Variants in FLT1 observed in about 807,000 individuals in gnomAD.
FLT1 encodes the protein vascular endothelial growth factor receptor 1.
A neutral mutation model predicts 156.3 loss-of-function variants in FLT1; 49 were observed. The ratio of observed to expected loss-of-function variants is 0.31; its 90% CI spans 0.25 to 0.40. FLT1 has a LOEUF of 0.40. FLT1 is among the 10% of genes least tolerant of loss of function. The pLI is 1.00. For missense variants in FLT1, 1,322 were observed against 1,637.2 expected, an observed-to-expected ratio of 0.81 and a Z score of 3.32; for synonymous variants, 594 against 583.8, an observed-to-expected ratio of 1.02 and a Z score of -0.25.
chr13:28,334,879 C>T (rs1013709081), intron 17 of FLT1, among the ~76,000 whole-genome samples: 5 of 150,842 alleles, frequency 3.3e-5, no homozygotes, highest in Non-Finnish European at 5.9e-5. Context: ...TCCTTGCCCC[C>T]CTTTACTCTG....
intron 1 of FLT1, among the ~76,000 whole-genome samples, chr13:28,489,083 C>G (rs1022062679): frequency 6.6e-6 from 1 of 152,168 alleles, no homozygotes; most frequent in Non-Finnish European, 1.5e-5. Context: ...GCATCATGCC[C>G]ACACAGGAGG....
At chr13:28,332,154 A>G (rs1392780245) in intron 18 of FLT1, among the ~76,000 whole-genome samples, 1 of 152,102 alleles carries the variant, frequency 6.6e-6, no homozygotes, top group Non-Finnish European at 1.5e-5. Flanking sequence ...CTTGAGCCTG[A>G]GAGGCAGAGG....
chr13:28,493,281 A>G (rs933041578), intron 1 of FLT1, among the ~76,000 whole-genome samples: 1 of 152,258 alleles, frequency 6.6e-6, no homozygotes, highest in African/African-American at 2.4e-5. Flanking sequence ...GACTTTTCAA[A>G]ACAAAAAATG....
intron 28 of FLT1, chr13:28,308,481 C>A (rs550411052): frequency 1.5e-5 from 5 of 336,258 alleles, no homozygotes; most frequent in Non-Finnish European, 2.3e-5. Context: ...TGCAGGAACG[C>A]GCTCTCTGTT....
intron 13 of FLT1, chr13:28,388,454 GTT>G (rs61707719): frequency 5.2e-5 from 49 of 938,092 alleles, no homozygotes; most frequent in Middle Eastern, 4.9e-4. Flanking sequence ...GGTCATTATA[GTT>G]TTTTTTTTTA....
At chr13:28,325,013 T>C (rs1315495811) in intron 20 of FLT1, among the ~76,000 whole-genome samples, 9 of 152,246 alleles carry the variant, frequency 5.9e-5, no homozygotes, top group Admixed American at 5.9e-4. Flanking sequence ...AAATGAAGTA[T>C]TCCATTTTCA....
intron 1 of FLT1, among the ~76,000 whole-genome samples, chr13:28,478,860 A>G (rs1880691110): frequency 6.6e-6 from 1 of 152,234 alleles, no homozygotes; most frequent in South Asian, 2.1e-4. Flanking sequence ...ATAGCAATAC[A>G]AAGCCTTATC....
chr13:28,353,229 T>C (rs543342227), intron 15 of FLT1, among the ~76,000 whole-genome samples: 1 of 152,326 alleles, frequency 6.6e-6, no homozygotes, highest in South Asian at 2.1e-4. Context: ...TCTTCTCCTA[T>C]GTACTTATAA....
At chr13:28,458,119 T>A (rs1304474847) in intron 3 of FLT1, among the ~76,000 whole-genome samples, 1 of 152,032 alleles carries the variant, frequency 6.6e-6, no homozygotes, top group African/African-American at 2.4e-5. Flanking sequence ...GTACTTTTAG[T>A]AGAGACGGGG....
intron 3 of FLT1, among the ~76,000 whole-genome samples, chr13:28,441,886 A>G (rs1345988355): frequency 6.6e-6 from 1 of 152,176 alleles, no homozygotes; most frequent in Non-Finnish European, 1.5e-5. Context: ...ATCATGCATT[A>G]TTTTATAGTA....
intron 16 of FLT1, among the ~76,000 whole-genome samples, chr13:28,344,792 CTTTTTTTTTTTTTTTT>C (rs869199622): frequency 7.2e-5 from 3 of 41,438 alleles, no homozygotes; most frequent in East Asian, 1.2e-3. Context: ...GGGGCCTTTA[CTTTTTTTTTTTTTTTT>C]TTTTTTTTTT....
Position 28,323,602 on chromosome 13 carries a change from G to A in FLT1, c.2797-656C>T, listed in dbSNP as rs191674718. 9.0e-4 allele frequency among the ~76,000 whole-genome samples: 129 copies of A among 143,688 alleles called. No homozygotes were observed. The Middle Eastern group carries it at 0.012, about 13-fold the overall frequency. 94.3% of individuals were successfully genotyped at this position (143,688 alleles called of 152,430 possible). ...GGAGGTGGAGGTTGCAGTGAGCCGA[G>A]ATCACGCCATTGCACTCTAGCCTGG... On this transcript the variant is annotated intron_variant, in intron 20 of 29. Transcript: ENST00000282397.
intron 10 of FLT1, among the ~76,000 whole-genome samples, chr13:28,417,635 T>G (rs1467173650): frequency 6.6e-6 from 1 of 150,922 alleles, no homozygotes; most frequent in Non-Finnish European, 1.5e-5. Flanking sequence ...AAACAATCTC[T>G]TTTTAAAAAT....
chr13:28,390,759 C>G (rs1258888287), intron 12 of FLT1, among the ~76,000 whole-genome samples: 1 of 152,140 alleles, frequency 6.6e-6, no homozygotes. Flanking sequence ...GGCAAGTGGG[C>G]AAAATAGTGA....
intron 14 of FLT1, among the ~76,000 whole-genome samples, chr13:28,378,058 T>G (rs1873916697): frequency 6.6e-6 from 1 of 151,762 alleles, no homozygotes; most frequent in Non-Finnish European, 1.5e-5. Flanking sequence ...ATCTTTTTTT[T>G]TTTTTTTTTG....
At position 28,494,864 on chromosome 13, in the gene FLT1, C is replaced by A; in HGVS notation, c.-21G>T. 6.5e-7 allele frequency: 1 copy of A among 1,528,964 alleles called. No homozygotes were observed. Among genetic ancestry groups the A allele is most frequent in the Non-Finnish European group, 8.7e-7 (1 of 1,143,474 alleles). The allele number at this position is 1,528,964 out of a possible 1,614,324, so 94.7% of individuals were successfully genotyped here. A position where few individuals can be genotyped will look rare whatever the true frequency, so the allele number is the denominator to read the frequency against. Reference sequence around the variant, plus strand: ...ACCATGGTGAGCGCGACGCGGCCTGCTCGCCCGGTGCCCGCGCTCCCCGCG... The same window carrying A: ...ACCATGGTGAGCGCGACGCGGCCTGATCGCCCGGTGCCCGCGCTCCCCGCG... On this transcript the variant is annotated 5_prime_UTR_variant, in exon 1 of 30. Coordinates refer to ENST00000282397, the MANE Select transcript of FLT1 (RefSeq NM_002019.4).
chr13:28,351,642 G>A (rs1019476429), intron 15 of FLT1, among the ~76,000 whole-genome samples: 2 of 152,186 alleles, frequency 1.3e-5, no homozygotes, highest in Non-Finnish European at 2.9e-5. Context: ...TGGAAATGCT[G>A]TATTCCCATT....
Position 28,368,673 on chromosome 13 carries a change from C to T in FLT1, c.2117-10988G>A, listed in dbSNP as rs1478447360. 12 of 778,662 alleles carry T rather than the reference C, an allele frequency of 1.5e-5. No individual in the cohort carries two copies. In the South Asian group the frequency reaches 1.6e-4, roughly 11 times the overall value. 48.2% of individuals were successfully genotyped at this position (778,662 alleles called of 1,614,324 possible). A position where few individuals can be genotyped will look rare whatever the true frequency, so the allele number is the denominator to read the frequency against. On this transcript the variant is annotated intron_variant, in intron 14 of 29. Coordinates refer to ENST00000282397, the MANE Select transcript of FLT1 (RefSeq NM_002019.4). ...GTTGATGTATACAGTTCTAGGTACA[C>T]AGTAAATAATCATATCTTTAGATTG...
chr13:28,391,202 T>C (rs1028699279), intron 12 of FLT1, among the ~76,000 whole-genome samples: 1 of 152,202 alleles, frequency 6.6e-6, no homozygotes, highest in African/African-American at 2.4e-5. Flanking sequence ...ATTTTAAACA[T>C]GTTCTGAAGG....
Sources: gnomAD v4.1 joint callset for allele counts (sites outside exome capture counted in the v4.1 genomes callset) on GRCh38, gnomAD v4.1.1 for gene constraint, MANE v1.5 for transcripts, NCBI Gene and HGNC (gene_info 2026-07-23, HGNC 2026-07-21) for gene names.